AJAP1: variants seen among roughly 807,000 people sequenced by gnomAD.
The protein encoded by AJAP1 is adherens junction-associated protein 1.
A neutral mutation model predicts 35.0 loss-of-function variants in AJAP1; 5 were observed. That is an observed-to-expected ratio of 0.14 (90% CI 0.07 to 0.30). The LOEUF is 0.30. Among genes scored for constraint, AJAP1 ranks in the 10% least tolerant of loss-of-function variants. The pLI is 1.00. For synonymous variants in AJAP1, 284 were observed against 249.3 expected (o/e 1.14, Z -1.31); for missense variants, 586 against 571.0 (o/e 1.03, Z -0.27).
intron 3 of AJAP1, among the ~76,000 whole-genome samples, chr1:4,771,438 G>A (rs982111325): frequency 2.0e-5 from 3 of 152,218 alleles, no homozygotes; most frequent in Non-Finnish European, 1.5e-5. Flanking sequence ...CCCTGAGCGT[G>A]AAGGGGAAGG....
rs1233321578 is a variant in AJAP1, at chr1:4,790,648, G to A, written c.*8163G>A. 1 of 152,236 alleles carries A rather than the reference G, an allele frequency of 6.6e-6. No homozygotes were observed. The highest frequency in any genetic ancestry group is 2.4e-5 in the African/African-American group (1 of 41,466). 9.4% of individuals were successfully genotyped at this position (152,236 alleles called of 1,614,324 possible). A position where few individuals can be genotyped will look rare whatever the true frequency, so the allele number is the denominator to read the frequency against. The stretch of plus-strand genomic sequence containing the variant: ...GTTGCTTCCTCTGAAGCCAGAGGGT[G>A]AAAGGCCCTAGCAAAGTTAGTTATC... On this transcript the variant is annotated 3_prime_UTR_variant, in exon 6 of 6. Coordinates refer to ENST00000378191, the MANE Select transcript of AJAP1 (RefSeq NM_018836.4).
intron 2 of AJAP1, among the ~76,000 whole-genome samples, chr1:4,746,874 C>T (rs927933140): frequency 1.9e-4 from 29 of 152,192 alleles, no homozygotes; most frequent in Admixed American, 1.7e-3. Flanking sequence ...GCTGGTGGTA[C>T]GACACCTCCT....
rs1282530599 is a variant in AJAP1 at position 4,783,541 on chromosome 1, ATATGTT to A, written c.*1058_*1063del. On this transcript the variant is annotated 3_prime_UTR_variant, in exon 6 of 6. Transcript: ENST00000378191. ...TGTGTGTATATATATATATATATAT[ATATGTT>A]TGTGTGTGTATATATATGTTTGTGT... 2.0e-4 allele frequency: 29 copies of A among 143,776 alleles called. No individual in the cohort carries two copies. The highest frequency in any genetic ancestry group is 6.8e-4 in the African/African-American group (26 of 38,480). 8.9% of individuals were successfully genotyped at this position (143,776 alleles called of 1,614,324 possible). A position where few individuals can be genotyped will look rare whatever the true frequency, so the allele number is the denominator to read the frequency against.
chr1:4,670,353 C>T (rs940495601), intron 1 of AJAP1, among the ~76,000 whole-genome samples: 5 of 152,190 alleles, frequency 3.3e-5, no homozygotes, highest in African/African-American at 7.2e-5. Context: ...GCAATTGCCC[C>T]GGGATGAATC....
chr1:4,728,290 G>A (rs770658581), intron 2 of AJAP1, among the ~76,000 whole-genome samples: 7 of 151,736 alleles, frequency 4.6e-5, no homozygotes, highest in East Asian at 2.0e-4. Context: ...GGGCCCCAGC[G>A]GACCCTGGCT....
At chr1:4,691,611 G>A (rs1639741085) in intron 1 of AJAP1, among the ~76,000 whole-genome samples, 1 of 152,174 alleles carries the variant, frequency 6.6e-6, no homozygotes, top group Non-Finnish European at 1.5e-5. Context: ...TCCGGGCTCG[G>A]GGAACACCCG....
intron 2 of AJAP1, among the ~76,000 whole-genome samples, chr1:4,731,403 T>G (rs937558785): frequency 2.6e-5 from 4 of 152,170 alleles, no homozygotes; most frequent in Non-Finnish European, 5.9e-5. Flanking sequence ...TTAAAGTAAC[T>G]GAAGAGCTGA....
At position 4,712,301 on chromosome 1, in the gene AJAP1, G is replaced by A. The variant is rs2100266960; in HGVS notation, c.431G>A (p.Gly144Glu). The A allele has an allele frequency of 1.3e-6, 2 of 1,490,874 alleles. No homozygotes were observed. Among genetic ancestry groups the A allele is most frequent in the South Asian group, 1.4e-5 (1 of 71,788 alleles). 92.4% of individuals were successfully genotyped at this position (1,490,874 alleles called of 1,614,324 possible). ...SSSSSSAVAG[G>E]APEQQALLRR... Reference sequence around the variant, plus strand: ...TCCTCGTCCTCCGCGGTGGCCGGTGGGGCCCCGGAGCAGCAGGCCCTCCTG... The same window carrying A: ...TCCTCGTCCTCCGCGGTGGCCGGTGAGGCCCCGGAGCAGCAGGCCCTCCTG... Residue 144 changes from glycine (G) to glutamate (E), a missense_variant, in exon 2 of 6, where the codon GGG becomes GAG. Gly to Glu is a moderately conservative substitution (Grantham distance 98). Transcript: ENST00000378191.
At chr1:4,688,321 A>G (rs945178988) in intron 1 of AJAP1, among the ~76,000 whole-genome samples, 2 of 152,182 alleles carry the variant, frequency 1.3e-5, no homozygotes, top group African/African-American at 4.8e-5. Flanking sequence ...AGAGGGAGAG[A>G]GAGACTGAAG....
rs946185341 is a variant in AJAP1, at chr1:4,711,822, G to GGA, written c.30-70_30-69dup. 10 of 1,166,888 alleles carry GGA rather than the reference G, an allele frequency of 8.6e-6. No homozygotes were observed. The African/African-American group carries it at 9.7e-5, about 11-fold the overall frequency. The allele number at this position is 1,166,888 out of a possible 1,614,324, so 72.3% of individuals were successfully genotyped here. ...GAGCGTCCTTGTCACAGCGCGGGGTGGAGAGAGAGGGCCCCGGGGCCCAGT... is the reference window on the plus strand; with the variant it reads ...GAGCGTCCTTGTCACAGCGCGGGGTGGAGAGAGAGAGGGCCCCGGGGCCCAGT... On this transcript the variant is annotated intron_variant, in intron 1 of 5. Coordinates refer to ENST00000378191, the MANE Select transcript of AJAP1 (RefSeq NM_018836.4).
intron 1 of AJAP1, among the ~76,000 whole-genome samples, chr1:4,684,846 C>T (rs932024225): frequency 6.6e-6 from 1 of 152,166 alleles, no homozygotes; most frequent in Non-Finnish European, 1.5e-5. Flanking sequence ...CTGTGCCAGC[C>T]TCCTCCACCA....
At chr1:4,758,909 C>G (rs747943531) in intron 2 of AJAP1, among the ~76,000 whole-genome samples, 2 of 152,242 alleles carry the variant, frequency 1.3e-5, no homozygotes, top group Non-Finnish European at 2.9e-5. Context: ...GGATCACTCT[C>G]TTGCCCCGAG....
intron 1 of AJAP1, among the ~76,000 whole-genome samples, chr1:4,676,356 G>A: frequency 6.6e-6 from 1 of 152,196 alleles, no homozygotes; most frequent in East Asian, 1.9e-4. Context: ...CTTTGGCAAA[G>A]AAATCCAGAA....
intron 2 of AJAP1, among the ~76,000 whole-genome samples, chr1:4,746,927 G>A (rs538362923): frequency 6.6e-6 from 1 of 152,352 alleles, no homozygotes; most frequent in East Asian, 1.9e-4. Flanking sequence ...TGCAGGGACT[G>A]TGGGTCTTGA....
At chr1:4,699,262 C>T (rs189112170) in intron 1 of AJAP1, among the ~76,000 whole-genome samples, 30 of 152,346 alleles carry the variant, frequency 2.0e-4, no homozygotes, top group Non-Finnish European at 2.9e-4. Flanking sequence ...CTGCCCACCT[C>T]CACCAATGCC....
Position 4,678,833 on chromosome 1 carries a change from CACTA to C in AJAP1, c.29+23382_29+23385del, listed in dbSNP as rs202171896. Among the ~76,000 whole-genome samples, 1,164 of 152,304 alleles carry C rather than the reference CACTA, an allele frequency of 7.6e-3. 16 individuals carry two copies. The highest frequency in any genetic ancestry group is 0.011 in the Non-Finnish European group (753 of 68,028). ...CTCTCTTTGGGCAGTTCCAAATAAT[CACTA>C]ACATTTATTGACTCAACAGGACTGT... On this transcript the variant is annotated intron_variant, in intron 1 of 5. Coordinates refer to ENST00000378191, the MANE Select transcript of AJAP1 (RefSeq NM_018836.4).
At chr1:4,748,314 T>C (rs993251746) in intron 2 of AJAP1, among the ~76,000 whole-genome samples, 7 of 152,188 alleles carry the variant, frequency 4.6e-5, no homozygotes, top group African/African-American at 1.4e-4. Flanking sequence ...GTGTGTTACA[T>C]GCATGATCTC....
chr1:4,674,304 TATTG>T (rs1445211751), intron 1 of AJAP1, among the ~76,000 whole-genome samples: 1 of 152,162 alleles, frequency 6.6e-6, no homozygotes, highest in African/African-American at 2.4e-5. Context: ...AATAAAGTTT[TATTG>T]GCATCACAGC....
At chr1:4,740,613 G>A (rs1246567658) in intron 2 of AJAP1, among the ~76,000 whole-genome samples, 7 of 151,516 alleles carry the variant, frequency 4.6e-5, no homozygotes, top group African/African-American at 7.3e-5. Flanking sequence ...GTGAAACCCC[G>A]TCTCTACTAA....
Sources: gnomAD v4.1 joint callset for allele counts (sites outside exome capture counted in the v4.1 genomes callset) on GRCh38, gnomAD v4.1.1 for gene constraint, MANE v1.5 for transcripts, NCBI Gene and HGNC (gene_info 2026-07-23, HGNC 2026-07-21) for gene names.